FAM200C: variants seen among roughly 807,000 people sequenced by gnomAD.
chr5:160,393,856 C>G, the FAM200C span: 1 of 1,613,962 alleles, frequency 6.2e-7, no homozygotes, highest in Admixed American at 1.7e-5. Flanking sequence ...AAAATCCCAA[C>G]TCACAAAGGT....
the FAM200C span, chr5:160,394,517 A>G: frequency 6.2e-7 from 1 of 1,614,152 alleles, no homozygotes; most frequent in Non-Finnish European, 8.5e-7. Flanking sequence ...ATGGAAAAGG[A>G]GGACACTATA....
the FAM200C span, chr5:160,395,440 G>A: frequency 1.2e-6 from 2 of 1,614,156 alleles, no homozygotes; most frequent in South Asian, 2.2e-5. Flanking sequence ...CCGTTGTACA[G>A]GTGAACCAGT....
the FAM200C span, chr5:160,394,071 TC>T: frequency 2.5e-6 from 4 of 1,611,854 alleles, no homozygotes; most frequent in Non-Finnish European, 3.4e-6. Context: ...GGATCCAATA[TC>T]CATTTACTTG....
the FAM200C span, among the ~76,000 whole-genome samples, chr5:160,397,814 T>C: frequency 6.6e-6 from 1 of 152,242 alleles, no homozygotes; most frequent in African/African-American, 2.4e-5. Flanking sequence ...TAGAACCACT[T>C]CTAATTAATG....
At chr5:160,393,606 C>A in the FAM200C span, 1 of 890,636 alleles carries the variant, frequency 1.1e-6, no homozygotes, top group Non-Finnish European at 1.7e-6. Flanking sequence ...GTTTTTTAGA[C>A]ATAGAATTCA....
the FAM200C span, chr5:160,394,954 T>A: frequency 1.2e-6 from 2 of 1,613,618 alleles, no homozygotes; most frequent in Non-Finnish European, 1.7e-6. Context: ...CCATGTCAGT[T>A]GTCTCAGCAA....
the FAM200C span, chr5:160,397,529 A>G: frequency 5.3e-5 from 8 of 152,238 alleles, no homozygotes; most frequent in African/African-American, 1.7e-4. Context: ...AAATAAAGTA[A>G]CAGGTACACA....
chr5:160,397,041 T>A, the FAM200C span, among the ~76,000 whole-genome samples: 6 of 152,234 alleles, frequency 3.9e-5, no homozygotes, highest in Non-Finnish European at 7.3e-5. Flanking sequence ...ACTAGAACAG[T>A]GATCTGTGAC....
the FAM200C span, chr5:160,394,892 ATCTC>A: frequency 1.9e-5 from 30 of 1,612,670 alleles, no homozygotes; most frequent in Middle Eastern, 1.6e-4. Context: ...TTCTTCTACG[ATCTC>A]TCTTTCTTTT....
At chr5:160,395,212 T>TATATTAATATATTAATATGTATA in the FAM200C span, 1 of 1,613,780 alleles carries the variant, frequency 6.2e-7, no homozygotes, top group Non-Finnish European at 8.5e-7. Context: ...GATACGATGC[T>TATATTAATATATTAATATGTATA]TGTAATAAAG....
At chr5:160,395,678 A>C in the FAM200C span, 1 of 609,494 alleles carries the variant, frequency 1.6e-6, no homozygotes, top group South Asian at 2.0e-5. Flanking sequence ...GACAGGATAT[A>C]GTTCAACTTA....
chr5:160,395,435 G>A, the FAM200C span: 1 of 1,614,132 alleles, frequency 6.2e-7, no homozygotes, highest in East Asian at 2.2e-5. Context: ...TACTTCCGTT[G>A]TACAGGTGAA....
chr5:160,394,707 CTT>C, the FAM200C span: 8 of 1,614,012 alleles, frequency 5.0e-6, no homozygotes, highest in Non-Finnish European at 5.9e-6. Flanking sequence ...TGAGGTATCT[CTT>C]TTTTCACGTA....
At chr5:160,394,804 C>T in the FAM200C span, 1 of 1,613,920 alleles carries the variant, frequency 6.2e-7, no homozygotes, top group Admixed American at 1.7e-5. Flanking sequence ...CTATCTTATG[C>T]TTCAGAAAGA....
chr5:160,395,420 C>A, the FAM200C span: 2 of 1,614,156 alleles, frequency 1.2e-6, no homozygotes, highest in Non-Finnish European at 1.7e-6. Context: ...ACGCTGAGTT[C>A]CATCTACTTC....
chr5:160,394,214 T>A, the FAM200C span: 3 of 1,611,462 alleles, frequency 1.9e-6, no homozygotes, highest in Non-Finnish European at 2.5e-6. Flanking sequence ...AAAAGGAAAA[T>A]TGGTAAAATT....
the FAM200C span, chr5:160,395,135 C>A: frequency 1.9e-6 from 3 of 1,613,962 alleles, no homozygotes; most frequent in Non-Finnish European, 2.5e-6. Flanking sequence ...TTCCAGTGCA[C>A]AAGGTTTCAC....
chr5:160,396,596 C>A, the FAM200C span, among the ~76,000 whole-genome samples: 1 of 141,980 alleles, frequency 7.0e-6, no homozygotes, highest in Non-Finnish European at 1.5e-5. Context: ...ACTAAAAATA[C>A]AAAAAATTAG....
chr5:160,395,118 G>T, the FAM200C span: 1 of 1,613,908 alleles, frequency 6.2e-7, no homozygotes, highest in Non-Finnish European at 8.5e-7. Flanking sequence ...AAAACTATTT[G>T]TGCTATTTCC....
Sources: allele counts gnomAD v4.1 joint callset (sites outside exome capture counted in the v4.1 genomes callset), GRCh38; gene constraint gnomAD v4.1.1; transcripts MANE v1.5.